ALPK2: variants seen among roughly 807,000 people sequenced by gnomAD.
ALPK2 encodes the protein alpha-protein kinase 2.
Under a neutral mutation model 163.1 loss-of-function variants are expected in ALPK2, and 127 were observed. That is an observed-to-expected ratio of 0.78 (90% CI 0.67 to 0.90). The LOEUF is 0.90. ALPK2 is among the 40% of genes least tolerant of loss of function. The probability of loss-of-function intolerance (pLI) is 0.00; values close to 1 mark genes in which losing one functional copy is unlikely to be tolerated. For synonymous variants in ALPK2, 953 were observed against 959.1 expected, an observed-to-expected ratio of 0.99 and a Z score of 0.12; for missense variants, 2,360 against 2,589.6, an observed-to-expected ratio of 0.91 and a Z score of 1.92.
chr18:58,500,642 T>C (rs965034810), intron 11 of ALPK2, among the ~76,000 whole-genome samples: 3 of 152,162 alleles, frequency 2.0e-5, no homozygotes, highest in African/African-American at 7.2e-5. Flanking sequence ...ATTCTCCACT[T>C]GGCTGGGCAC....
intron 1 of ALPK2, among the ~76,000 whole-genome samples, chr18:58,614,569 A>C (rs2052154368): frequency 6.6e-6 from 1 of 152,204 alleles, no homozygotes; most frequent in Admixed American, 6.5e-5. Flanking sequence ...TTACGGGTAC[A>C]TTTGGTGGTT....
At position 58,502,619 on chromosome 18, in the gene ALPK2, A is replaced by G. The variant is rs117182539; in HGVS notation, c.6247+1312T>C. ...TCTGGGACAATATCTGACATTTGGT[A>G]GGCAGAAAATAATATAGTTCAGATT... On this transcript the variant is annotated intron_variant, in intron 11 of 12. Coordinates refer to ENST00000361673, the MANE Select transcript of ALPK2 (RefSeq NM_052947.4). Among the ~76,000 whole-genome samples the G allele has an allele frequency of 5.4e-3, 826 of 152,322 alleles. 5 individuals carry two copies. Among genetic ancestry groups the G allele is most frequent in the Non-Finnish European group, 7.1e-3 (481 of 68,028 alleles).
In ALPK2 at chr18:58,580,296, T is replaced by G. The variant is rs374161579; in HGVS notation, c.480A>C (p.Ser160=). ...TGGATTTGGAGGGGGAGGAGTCAGC[T>G]GACCTGGGAGTGCCCGGGGAGATGC... ...EESISPGTPR[S]ADSSPSKSNH... is the part of the protein sequence containing the mutation. Residue 160 remains serine, a synonymous_variant, in exon 4 of 13, where the codon TCA becomes TCC. Transcript: ENST00000361673. The G allele has an allele frequency of 4.3e-5, 70 of 1,614,054 alleles. No homozygotes were observed. Among genetic ancestry groups the G allele is most frequent in the Non-Finnish European group, 5.7e-5 (67 of 1,180,032 alleles).
chr18:58,555,062 G>A (rs543364732), intron 4 of ALPK2, among the ~76,000 whole-genome samples: 4 of 152,240 alleles, frequency 2.6e-5, no homozygotes, highest in South Asian at 4.1e-4. Context: ...ACCCAGTCTC[G>A]GGTATCTGTT....
chr18:58,515,089 G>A lies in ALPK2; in HGVS notation c.5941-8C>T, dbSNP rs144807827. The A allele has an allele frequency of 6.2e-5, 100 of 1,601,886 alleles. 1 individual carries two copies. The highest frequency in any genetic ancestry group is 5.0e-4 in the Middle Eastern group (3 of 6,014). Reference sequence around the variant, plus strand: ...ATTTTGAACATAGCATTCCTATATCGCCAAAATACATAGAAAGCCCCAGTG... The same window carrying A: ...ATTTTGAACATAGCATTCCTATATCACCAAAATACATAGAAAGCCCCAGTG... On this transcript the variant is annotated splice_region_variant and splice_polypyrimidine_tract_variant and intron_variant, in intron 9 of 12. Transcript: ENST00000361673.
At chr18:58,552,343 C>G (rs2051764297) in intron 4 of ALPK2, among the ~76,000 whole-genome samples, 1 of 152,214 alleles carries the variant, frequency 6.6e-6, no homozygotes, top group Non-Finnish European at 1.5e-5. Context: ...TTGACAGACA[C>G]TGTGTTTCTT....
At chr18:58,576,009 G>A (rs943487684) in intron 4 of ALPK2, among the ~76,000 whole-genome samples, 2 of 152,166 alleles carry the variant, frequency 1.3e-5, no homozygotes, top group Non-Finnish European at 2.9e-5. Flanking sequence ...GAAAATACTA[G>A]GAAGTAAACT....
At chr18:58,561,206 C>T (rs1327527654) in intron 4 of ALPK2, among the ~76,000 whole-genome samples, 1 of 152,156 alleles carries the variant, frequency 6.6e-6, no homozygotes, top group African/African-American at 2.4e-5. Flanking sequence ...GCCAATCTAA[C>T]CCCAGTGTGA....
chr18:58,502,941 G>A (rs370019639), intron 11 of ALPK2, among the ~76,000 whole-genome samples: 2 of 152,164 alleles, frequency 1.3e-5, no homozygotes, highest in Non-Finnish European at 2.9e-5. Context: ...TGCTTTGCAG[G>A]GCTCCCTGCA....
intron 3 of ALPK2, among the ~76,000 whole-genome samples, chr18:58,582,564 C>CAA (rs2051963955): frequency 8.2e-5 from 8 of 97,980 alleles, no homozygotes; most frequent in Admixed American, 1.1e-4. Flanking sequence ...AGATTGTTGG[C>CAA]GAAAAAAAAA....
chr18:58,547,840 A>G lies in ALPK2; in HGVS notation c.1963-9616T>C, dbSNP rs1250000615. Among the ~76,000 whole-genome samples the G allele has an allele frequency of 2.0e-5, 3 of 152,158 alleles. No homozygotes were observed. In the East Asian group the frequency reaches 5.8e-4, roughly 29 times the overall value. ...ATGAGCCTGGGGTGAGTGGGATGGT[A>G]TTGTTTACGTCCCACAAACTGAAAC... On this transcript the variant is annotated intron_variant, in intron 4 of 12. Coordinates refer to ENST00000361673, the MANE Select transcript of ALPK2 (RefSeq NM_052947.4).
chr18:58,575,614 G>A (rs1274418249), intron 4 of ALPK2, among the ~76,000 whole-genome samples: 3 of 152,204 alleles, frequency 2.0e-5, no homozygotes, highest in African/African-American at 7.2e-5. Context: ...AACTTAAGAT[G>A]GGCAGGCTGT....
At chr18:58,524,352 C>A (rs767261625) in intron 6 of ALPK2, among the ~76,000 whole-genome samples, 1 of 152,244 alleles carries the variant, frequency 6.6e-6, no homozygotes, top group Non-Finnish European at 1.5e-5. Flanking sequence ...AACATTTCTG[C>A]TCAGAATTCA....
chr18:58,598,970 G>T (rs1384341563), intron 3 of ALPK2, among the ~76,000 whole-genome samples: 1 of 152,152 alleles, frequency 6.6e-6, no homozygotes, highest in Non-Finnish European at 1.5e-5. Flanking sequence ...TTCAGAACGT[G>T]TCCAACTTCT....
chr18:58,492,722 G>A (rs774109602), intron 12 of ALPK2, among the ~76,000 whole-genome samples: 7 of 152,188 alleles, frequency 4.6e-5, no homozygotes, highest in Non-Finnish European at 5.9e-5. Flanking sequence ...GAATGGACTG[G>A]GCAGAGGGAC....
At chr18:58,511,444 TG>T (rs1001709557) in intron 10 of ALPK2, among the ~76,000 whole-genome samples, 24 of 152,198 alleles carry the variant, frequency 1.6e-4, no homozygotes, top group African/African-American at 5.5e-4. Flanking sequence ...ACACACCAGC[TG>T]GGGCACAGGT....
chr18:58,599,777 C>T (rs967895834), intron 3 of ALPK2, among the ~76,000 whole-genome samples: 2 of 151,978 alleles, frequency 1.3e-5, no homozygotes, highest in African/African-American at 4.8e-5. Context: ...TGATTTAATC[C>T]CCACAACAAC....
intron 4 of ALPK2, among the ~76,000 whole-genome samples, chr18:58,573,272 A>ATATG (rs1178380376): frequency 5.3e-5 from 7 of 132,490 alleles, no homozygotes; most frequent in Non-Finnish European, 9.6e-5. Context: ...GTGTATATAT[A>ATATG]TGTATATATG....
rs532087580 is a variant in ALPK2, at chr18:58,504,208, C to T, written c.6030-60G>A. The T allele has an allele frequency of 2.7e-4, 374 of 1,386,664 alleles. 1 individual carries two copies. The South Asian group carries it at 3.2e-3, about 12-fold the overall frequency. 85.9% of individuals were successfully genotyped at this position (1,386,664 alleles called of 1,614,324 possible). A position where few individuals can be genotyped will look rare whatever the true frequency, so the allele number is the denominator to read the frequency against. On this transcript the variant is annotated intron_variant, in intron 10 of 12. Coordinates refer to ENST00000361673, the MANE Select transcript of ALPK2 (RefSeq NM_052947.4). Reference sequence around the variant, plus strand: ...TCTCTACTGGGAAGAGAGGCTCCTGCGGCATTCTACTCTCTCCTGGAGCAG... The same window carrying T: ...TCTCTACTGGGAAGAGAGGCTCCTGTGGCATTCTACTCTCTCCTGGAGCAG...
Sources: allele counts gnomAD v4.1 joint callset (sites outside exome capture counted in the v4.1 genomes callset), GRCh38; gene constraint gnomAD v4.1.1; transcripts MANE v1.5; gene names NCBI Gene and HGNC (gene_info 2026-07-23, HGNC 2026-07-21).